Variants in CHSY3 observed in about 807,000 individuals in gnomAD.
CHSY3 encodes N-acetylgalactosaminyl-proteoglycan 3-beta-glucuronosyltransferase 3.
CHSY3 carries 35 observed loss-of-function variants against 67.2 expected under a neutral mutation model. That is an observed-to-expected ratio of 0.52 (90% CI 0.40 to 0.69). The LOEUF (loss-of-function observed/expected upper bound fraction) is 0.69. CHSY3 is among the 30% of genes least tolerant of loss of function. The pLI is 0.00. For missense variants in CHSY3, 1,069 were observed against 1,138.5 expected (o/e 0.94, Z 0.88); for synonymous variants, 474 against 434.7 (o/e 1.09, Z -1.12).
At chr5:130,054,666 A>C (rs868213977) in intron 2 of CHSY3, among the ~76,000 whole-genome samples, 54 of 152,366 alleles carry the variant, frequency 3.5e-4, no homozygotes, top group African/African-American at 1.2e-3. Context: ...TTATTAACAC[A>C]TGCAGTGCTT....
intron 2 of CHSY3, among the ~76,000 whole-genome samples, chr5:130,000,732 C>CCTT (rs1763698406): frequency 3.9e-5 from 3 of 76,450 alleles, no homozygotes; most frequent in African/African-American, 1.5e-4. Context: ...AACTTTTCTT[C>CCTT]TTTTTTTTTT....
At chr5:130,074,646 T>G (rs1262156248) in intron 2 of CHSY3, among the ~76,000 whole-genome samples, 1 of 152,146 alleles carries the variant, frequency 6.6e-6, no homozygotes, top group East Asian at 1.9e-4. Flanking sequence ...GTTCTGAAAA[T>G]AGGGGACAGT....
intron 2 of CHSY3, among the ~76,000 whole-genome samples, chr5:130,093,732 C>T (rs1006242717): frequency 6.6e-6 from 1 of 152,138 alleles, no homozygotes; most frequent in Non-Finnish European, 1.5e-5. Flanking sequence ...GATTATATCT[C>T]AAGAACACAG....
intron 2 of CHSY3, among the ~76,000 whole-genome samples, chr5:130,149,493 G>A (rs58918617): frequency 3.4e-4 from 52 of 152,226 alleles, no homozygotes; most frequent in African/African-American, 9.1e-4. Flanking sequence ...GCATGAACTC[G>A]GAGCAAGAGC....
At chr5:129,953,635 G>A (rs553568760) in intron 2 of CHSY3, among the ~76,000 whole-genome samples, 19 of 152,206 alleles carry the variant, frequency 1.2e-4, no homozygotes, top group Non-Finnish European at 2.6e-4. Context: ...ATCCTCTTTA[G>A]CATCTGTTGT....
At chr5:130,036,642 G>C (rs974505042) in intron 2 of CHSY3, among the ~76,000 whole-genome samples, 1 of 152,248 alleles carries the variant, frequency 6.6e-6, no homozygotes, top group Admixed American at 6.5e-5. Flanking sequence ...AGTCCTGCCA[G>C]GCTCCAGCTG....
chr5:130,146,212 G>A (rs541311309), intron 2 of CHSY3, among the ~76,000 whole-genome samples: 1 of 152,100 alleles, frequency 6.6e-6, no homozygotes. Flanking sequence ...GTCCAACAAT[G>A]GATTAATGGT....
At chr5:130,142,327 A>C (rs142213772) in intron 2 of CHSY3, among the ~76,000 whole-genome samples, 6 of 152,302 alleles carry the variant, frequency 3.9e-5, no homozygotes, top group Non-Finnish European at 8.8e-5. Context: ...AATTGTGACT[A>C]TTTGGTATCT....
At chr5:129,983,753 G>A (rs1763090776) in intron 2 of CHSY3, among the ~76,000 whole-genome samples, 1 of 152,024 alleles carries the variant, frequency 6.6e-6, no homozygotes, top group Non-Finnish European at 1.5e-5. Flanking sequence ...TAAAATATGA[G>A]GGGAATTGAG....
At chr5:130,132,986 C>T (rs906052093) in intron 2 of CHSY3, among the ~76,000 whole-genome samples, 7 of 152,130 alleles carry the variant, frequency 4.6e-5, no homozygotes, top group Non-Finnish European at 1.0e-4. Flanking sequence ...TAAGCCTCTT[C>T]AGTAGGCATA....
chr5:129,908,375 G>A lies in CHSY3; in HGVS notation c.1086+15G>A. Reference sequence around the variant, plus strand: ...GGTCTTACGAGGTAAGCATGGAGCTGTGATGAAAATGTTCACATAGTACAT... The same window carrying A: ...GGTCTTACGAGGTAAGCATGGAGCTATGATGAAAATGTTCACATAGTACAT... On this transcript the variant is annotated intron_variant, in intron 2 of 2. Coordinates refer to ENST00000305031, the MANE Select transcript of CHSY3 (RefSeq NM_175856.5). The A allele has an allele frequency of 1.9e-6, 3 of 1,612,300 alleles. No individual in the cohort carries two copies. The highest frequency in any genetic ancestry group is 2.2e-5 in the South Asian group (2 of 90,960).
rs116263070 is a variant in CHSY3, at chr5:130,178,159, A to T, written c.1087-6070A>T. The stretch of plus-strand genomic sequence containing the variant: ...ATGGATATAGTTGTGGTCTTTTTTT[A>T]GTATTATATGTATATATATGTGTGT... On this transcript the variant is annotated intron_variant, in intron 2 of 2. Coordinates refer to ENST00000305031, the MANE Select transcript of CHSY3 (RefSeq NM_175856.5). Among the ~76,000 whole-genome samples, 6 of 131,834 alleles carry T rather than the reference A, an allele frequency of 4.6e-5. No individual in the cohort carries two copies. The Admixed American group carries it at 4.9e-4, about 11-fold the overall frequency. The allele number at this position is 131,834 out of a possible 152,430, so 86.5% of individuals were successfully genotyped here.
chr5:130,129,189 A>C (rs1318861922), intron 2 of CHSY3, among the ~76,000 whole-genome samples: 1 of 152,156 alleles, frequency 6.6e-6, no homozygotes, highest in Non-Finnish European at 1.5e-5. Context: ...AAAATATAAC[A>C]TTAATACAAG....
chr5:130,033,808 G>A (rs1297653000), intron 2 of CHSY3, among the ~76,000 whole-genome samples: 1 of 152,024 alleles, frequency 6.6e-6, no homozygotes, highest in African/African-American at 2.4e-5. Flanking sequence ...AAATTTTTGA[G>A]TTTGATTATA....
chr5:129,951,326 T>C (rs540693967), intron 2 of CHSY3, among the ~76,000 whole-genome samples: 1 of 152,244 alleles, frequency 6.6e-6, no homozygotes, highest in South Asian at 2.1e-4. Context: ...CCCATGACGT[T>C]GGTCTTGGTG....
At chr5:130,121,552 A>G (rs2149709024) in intron 2 of CHSY3, among the ~76,000 whole-genome samples, 1 of 152,304 alleles carries the variant, frequency 6.6e-6, no homozygotes, top group African/African-American at 2.4e-5. Flanking sequence ...CCACAGTAGC[A>G]CAGAAACATA....
intron 2 of CHSY3, among the ~76,000 whole-genome samples, chr5:130,012,415 C>G (rs1005275126): frequency 1.3e-5 from 2 of 152,180 alleles, no homozygotes; most frequent in Non-Finnish European, 2.9e-5. Flanking sequence ...GAAATGTACT[C>G]CTTCCTTTCA....
chr5:130,027,337 G>A (rs1184179847), intron 2 of CHSY3, among the ~76,000 whole-genome samples: 1 of 152,110 alleles, frequency 6.6e-6, no homozygotes, highest in South Asian at 2.1e-4. Flanking sequence ...GTCTGGGGTA[G>A]TAGAGCACCT....
chr5:129,984,706 G>A (rs1580613732), intron 2 of CHSY3, among the ~76,000 whole-genome samples: 1 of 151,828 alleles, frequency 6.6e-6, no homozygotes, highest in Non-Finnish European at 1.5e-5. Context: ...CTTTTTAATA[G>A]TAGCCATTCT....
Sources: allele counts gnomAD v4.1 joint callset (sites outside exome capture counted in the v4.1 genomes callset), GRCh38; gene constraint gnomAD v4.1.1; transcripts MANE v1.5; gene names NCBI Gene and HGNC (gene_info 2026-07-23, HGNC 2026-07-21).